Variants in SCFD2 observed in about 807,000 individuals in gnomAD.
SCFD2 encodes sec1 family domain-containing protein 2.
SCFD2 carries 54 observed loss-of-function variants against 58.9 expected under a neutral mutation model. That is an observed-to-expected ratio of 0.92 (90% CI 0.74 to 1.15). The LOEUF (loss-of-function observed/expected upper bound fraction) is 1.15. Among genes scored for constraint, SCFD2 ranks in the 50% most tolerant of loss-of-function variants. The pLI is 0.00. For missense variants in SCFD2, 805 were observed against 836.6 expected (o/e 0.96, Z 0.47); for synonymous variants, 321 against 335.9 (o/e 0.96, Z 0.49).
intron 2 of SCFD2, among the ~76,000 whole-genome samples, chr4:53,327,018 A>AT (rs1491449231): frequency 6.6e-6 from 1 of 151,708 alleles, no homozygotes; most frequent in East Asian, 1.9e-4. Context: ...AAAAAAAACA[A>AT]CAACAAAAAA....
chr4:53,008,683 T>C (rs1448108561), intron 5 of SCFD2, among the ~76,000 whole-genome samples: 1 of 152,058 alleles, frequency 6.6e-6, no homozygotes, highest in Non-Finnish European at 1.5e-5. Context: ...GAAAGCTTTC[T>C]AGAGAAAAAA....
intron 2 of SCFD2, among the ~76,000 whole-genome samples, chr4:53,332,182 G>A (rs1442788963): frequency 1.3e-5 from 2 of 150,546 alleles, no homozygotes; most frequent in African/African-American, 4.9e-5. Flanking sequence ...GGAGGAACTG[G>A]TACCATTCCT....
intron 3 of SCFD2, among the ~76,000 whole-genome samples, chr4:53,294,538 GC>G (rs1368489346): frequency 6.6e-6 from 1 of 151,930 alleles, no homozygotes; most frequent in African/African-American, 2.4e-5. Context: ...CTGGATATTA[GC>G]CCTTTGTCAG....
chr4:52,985,388 T>G (rs543752144), intron 5 of SCFD2, among the ~76,000 whole-genome samples: 1 of 152,326 alleles, frequency 6.6e-6, no homozygotes, highest in South Asian at 2.1e-4. Context: ...AGCTCCTTAT[T>G]TATTAATTAG....
At chr4:53,216,081 C>T (rs1728820436) in intron 4 of SCFD2, among the ~76,000 whole-genome samples, 1 of 152,162 alleles carries the variant, frequency 6.6e-6, no homozygotes, top group South Asian at 2.1e-4. Flanking sequence ...CATCAATGTT[C>T]ATCAGGGATA....
intron 5 of SCFD2, among the ~76,000 whole-genome samples, chr4:52,994,097 G>T (rs1427947817): frequency 1.3e-5 from 2 of 152,210 alleles, no homozygotes. Flanking sequence ...GGCATCCTCA[G>T]GCCAGCAGTT....
intron 5 of SCFD2, among the ~76,000 whole-genome samples, chr4:53,103,313 T>A (rs1307155109): frequency 6.6e-6 from 1 of 151,958 alleles, no homozygotes; most frequent in African/African-American, 2.4e-5. Context: ...CTGAACTGAA[T>A]CTAAACAAAT....
chr4:52,876,957 T>G (rs75301209), intron 8 of SCFD2, among the ~76,000 whole-genome samples: 5,499 of 152,152 alleles, frequency 0.036, 357 homozygotes, highest in African/African-American at 0.13. Flanking sequence ...TCTTTAATTC[T>G]AAAGCAAAGA....
chr4:52,920,953 T>C (rs1719721239), intron 5 of SCFD2, 83 bp from the exon 6 acceptor site: 1 of 719,240 alleles, frequency 1.4e-6, no homozygotes, highest in Non-Finnish European at 2.1e-6. Context: ...GTAATGTAGT[T>C]GGGAGGTTTT....
chr4:53,260,352 G>A (rs956587575), intron 4 of SCFD2, among the ~76,000 whole-genome samples: 1 of 152,092 alleles, frequency 6.6e-6, no homozygotes, highest in Non-Finnish European at 1.5e-5. Flanking sequence ...TCAGTATAAT[G>A]TTAGCAGTGG....
intron 2 of SCFD2, among the ~76,000 whole-genome samples, chr4:53,334,302 G>GT: frequency 6.6e-6 from 1 of 152,074 alleles, no homozygotes; most frequent in East Asian, 1.9e-4. Context: ...ACAAGCACAC[G>GT]TATGTTTATT....
At chr4:53,096,098 T>A (rs998114519) in intron 5 of SCFD2, among the ~76,000 whole-genome samples, 38 of 152,216 alleles carry the variant, frequency 2.5e-4, no homozygotes, top group Non-Finnish European at 1.6e-4. Context: ...ATGTGCCACA[T>A]TTTCTTAATC....
intron 1 of SCFD2, among the ~76,000 whole-genome samples, chr4:53,354,527 G>A (rs1306006489): frequency 6.6e-6 from 1 of 152,228 alleles, no homozygotes; most frequent in East Asian, 1.9e-4. Flanking sequence ...GGCTCCCACA[G>A]TGCAGCGGCA....
At chr4:53,105,436 G>A (rs1209460786) in intron 5 of SCFD2, among the ~76,000 whole-genome samples, 3 of 152,096 alleles carry the variant, frequency 2.0e-5, no homozygotes, top group South Asian at 2.1e-4. Context: ...GGATCCACTG[G>A]CTTGAAATTC....
intron 5 of SCFD2, among the ~76,000 whole-genome samples, chr4:53,015,414 A>G (rs1391153511): frequency 6.6e-6 from 1 of 152,186 alleles, no homozygotes; most frequent in Non-Finnish European, 1.5e-5. Context: ...AGTAAGGAGT[A>G]CAGGAAAATA....
At chr4:53,158,580 CCCTTCTTATCCATT>C (rs1726763805) in intron 4 of SCFD2, among the ~76,000 whole-genome samples, 1 of 152,140 alleles carries the variant, frequency 6.6e-6, no homozygotes, top group South Asian at 2.1e-4. Flanking sequence ...ATATATCCAT[CCCTTCTTATCCATT>C]CCTTCCCCTA....
chr4:52,954,254 C>T (rs561480762), intron 5 of SCFD2, among the ~76,000 whole-genome samples: 7 of 152,268 alleles, frequency 4.6e-5, no homozygotes, highest in East Asian at 3.9e-4. Context: ...TGTGGAGGAC[C>T]GGGCTTGATG....
At chr4:52,995,291 T>C (rs538456853) in intron 5 of SCFD2, among the ~76,000 whole-genome samples, 6 of 152,146 alleles carry the variant, frequency 3.9e-5, no homozygotes, top group East Asian at 1.9e-4. Flanking sequence ...CAGTTCACAA[T>C]AGGGTTCGCA....
At chr4:53,222,865 T>C (rs893661768) in intron 4 of SCFD2, among the ~76,000 whole-genome samples, 8 of 152,186 alleles carry the variant, frequency 5.3e-5, no homozygotes, top group Non-Finnish European at 1.2e-4. Context: ...GCTTTATGCA[T>C]TTAATTTGGT....
Sources: gnomAD v4.1 joint callset for allele counts (sites outside exome capture counted in the v4.1 genomes callset) on GRCh38, gnomAD v4.1.1 for gene constraint, MANE v1.5 for transcripts, NCBI Gene and HGNC (gene_info 2026-07-23, HGNC 2026-07-21) for gene names.